The following DGKB variants were observed in gnomAD, a reference collection of about 807,000 sequenced individuals.
DGKB encodes the protein diacylglycerol kinase beta.
A neutral mutation model predicts 114.3 loss-of-function variants in DGKB; 67 were observed. The observed-to-expected ratio is 0.59, with a 90% CI of 0.48 to 0.72. The LOEUF is 0.72. Ranked by LOEUF, DGKB falls within the 30% of genes least tolerant of loss-of-function variation. The pLI is 0.00. For missense variants in DGKB, 907 were observed against 975.2 expected, an observed-to-expected ratio of 0.93 and a Z score of 0.93; for synonymous variants, 398 against 323.1, an observed-to-expected ratio of 1.23 and a Z score of -2.49.
chr7:14,571,438 T>C (rs543630078), intron 20 of DGKB, among the ~76,000 whole-genome samples: 4 of 152,326 alleles, frequency 2.6e-5, no homozygotes, highest in African/African-American at 9.6e-5. Flanking sequence ...GTGTCATAGC[T>C]AGCCTGAGTT....
chr7:14,585,753 G>T (rs77392818), intron 17 of DGKB, among the ~76,000 whole-genome samples: 1 of 152,034 alleles, frequency 6.6e-6, no homozygotes, highest in East Asian at 1.9e-4. Context: ...TGCTCACTTG[G>T]TGTCTGTGTC....
At chr7:14,301,666 T>G (rs1803558964) in intron 23 of DGKB, among the ~76,000 whole-genome samples, 2 of 152,174 alleles carry the variant, frequency 1.3e-5, no homozygotes, top group Non-Finnish European at 2.9e-5. Context: ...TGCATCTTTG[T>G]GTATATATAC....
intron 25 of DGKB, among the ~76,000 whole-genome samples, chr7:14,165,065 G>A (rs12699572): frequency 0.45 from 68,023 of 151,576 alleles, 15,511 homozygotes; most frequent in African/African-American, 0.55. Context: ...TCTATTTTCT[G>A]CCCCTTTGGA....
intron 20 of DGKB, among the ~76,000 whole-genome samples, chr7:14,569,871 C>T (rs1315898143): frequency 1.3e-5 from 2 of 151,548 alleles, no homozygotes; most frequent in African/African-American, 4.8e-5. Context: ...TCTTGTGTGT[C>T]TTTGCAGAGA....
At chr7:14,547,758 A>T (rs1037869429) in intron 20 of DGKB, among the ~76,000 whole-genome samples, 1 of 152,160 alleles carries the variant, frequency 6.6e-6, no homozygotes, top group Non-Finnish European at 1.5e-5. Context: ...AGCTAAAAGC[A>T]GGTAAGATTA....
At chr7:14,164,938 C>T (rs1004488430) in intron 25 of DGKB, among the ~76,000 whole-genome samples, 3 of 151,940 alleles carry the variant, frequency 2.0e-5, no homozygotes, top group African/African-American at 4.8e-5. Context: ...CTTTGTGACT[C>T]GTAGGTAGCA....
At chr7:14,592,893 A>G (rs1801936937) in intron 17 of DGKB, among the ~76,000 whole-genome samples, 1 of 151,956 alleles carries the variant, frequency 6.6e-6, no homozygotes, top group Non-Finnish European at 1.5e-5. Context: ...AATACATTAT[A>G]AAATTTAGTT....
At chr7:14,709,160 T>C (rs1466953983) in intron 6 of DGKB, among the ~76,000 whole-genome samples, 5 of 151,956 alleles carry the variant, frequency 3.3e-5, no homozygotes, top group African/African-American at 1.2e-4. Flanking sequence ...GCGAAGGACA[T>C]GAACAGACAC....
intron 1 of DGKB, among the ~76,000 whole-genome samples, chr7:14,869,911 C>A (rs1338745882): frequency 5.3e-5 from 8 of 152,240 alleles, no homozygotes; most frequent in Non-Finnish European, 5.9e-5. Context: ...ATCTGGAAGA[C>A]AATTTAAATA....
chr7:14,188,417 T>C, intron 23 of DGKB, among the ~76,000 whole-genome samples: 1 of 120,496 alleles, frequency 8.3e-6, no homozygotes, highest in Non-Finnish European at 1.8e-5. Flanking sequence ...TCCCAGCACT[T>C]TGGGAGGCCG....
intron 2 of DGKB, among the ~76,000 whole-genome samples, chr7:14,806,004 T>A (rs1842752222): frequency 6.6e-6 from 1 of 151,740 alleles, no homozygotes; most frequent in Non-Finnish European, 1.5e-5. Flanking sequence ...TCACGAATAT[T>A]TATATATATT....
At chr7:14,158,766 G>T (rs1368738010) in intron 25 of DGKB, among the ~76,000 whole-genome samples, 1 of 152,084 alleles carries the variant, frequency 6.6e-6, no homozygotes, top group African/African-American at 2.4e-5. Context: ...GAAACTGATT[G>T]TTTTTTCAGG....
At chr7:14,754,990 G>A (rs1834663380) in intron 3 of DGKB, among the ~76,000 whole-genome samples, 1 of 152,104 alleles carries the variant, frequency 6.6e-6, no homozygotes, top group Non-Finnish European at 1.5e-5. Context: ...TTTTGTTGTG[G>A]TTACTGTCAC....
intron 20 of DGKB, among the ~76,000 whole-genome samples, chr7:14,525,275 T>G (rs1790466881): frequency 6.6e-6 from 1 of 152,192 alleles, no homozygotes; most frequent in Non-Finnish European, 1.5e-5. Context: ...CTCTCCCTAT[T>G]CCAGTTGAAA....
At chr7:14,177,907 G>T in intron 24 of DGKB, 124 bp downstream of exon 24, 2 of 960,198 alleles carry the variant, frequency 2.1e-6, no homozygotes, top group Non-Finnish European at 2.9e-6. Flanking sequence ...AAATATATTA[G>T]TATTAATAAC....
chr7:14,434,120 CAA>C (rs1215850439), intron 21 of DGKB, among the ~76,000 whole-genome samples: 1 of 151,934 alleles, frequency 6.6e-6, no homozygotes, highest in African/African-American at 2.4e-5. Context: ...ATCTTAGAAT[CAA>C]AGAGATTTTT....
intron 1 of DGKB, among the ~76,000 whole-genome samples, chr7:14,858,580 T>G (rs1287103576): frequency 1.3e-5 from 2 of 152,090 alleles, no homozygotes; most frequent in Non-Finnish European, 2.9e-5. Flanking sequence ...TTCAAAGGGT[T>G]ATGCAGTAAT....
At chr7:14,575,337 C>T (rs1312435128) in intron 19 of DGKB, among the ~76,000 whole-genome samples, 1 of 152,114 alleles carries the variant, frequency 6.6e-6, no homozygotes, top group East Asian at 1.9e-4. Context: ...AGAGTAAATG[C>T]TCAACAAATC....
At chr7:14,411,894 T>C (rs1242350852) in intron 21 of DGKB, among the ~76,000 whole-genome samples, 1 of 152,184 alleles carries the variant, frequency 6.6e-6, no homozygotes, top group Non-Finnish European at 1.5e-5. Flanking sequence ...ATTAATATAG[T>C]AGAATAATAT....
Sources: allele counts gnomAD v4.1 joint callset (sites outside exome capture counted in the v4.1 genomes callset), GRCh38; gene constraint gnomAD v4.1.1; transcripts MANE v1.5; gene names NCBI Gene and HGNC (gene_info 2026-07-23, HGNC 2026-07-21).